Variants in SLC4A1AP observed in about 807,000 individuals in gnomAD.
SLC4A1AP encodes kanadaptin.
In SLC4A1AP, 64 loss-of-function variants were observed where a neutral mutation model predicts 89.7. The ratio of observed to expected loss-of-function variants is 0.71; its 90% CI spans 0.58 to 0.88. The LOEUF (loss-of-function observed/expected upper bound fraction) is 0.88. Among genes scored for constraint, SLC4A1AP ranks in the 40% least tolerant of loss-of-function variants. The probability of loss-of-function intolerance (pLI) is 0.00; values close to 1 mark genes in which losing one functional copy is unlikely to be tolerated. For synonymous variants in SLC4A1AP, 366 were observed against 353.3 expected (o/e 1.04, Z -0.40); for missense variants, 931 against 965.0 (o/e 0.96, Z 0.47).
chr2:27,674,759 T>C, intron 5 of SLC4A1AP, among the ~76,000 whole-genome samples: 1 of 151,106 alleles, frequency 6.6e-6, no homozygotes, highest in East Asian at 1.9e-4. Flanking sequence ...TCACCCAGGC[T>C]GGAGTGCAGT....
exon 13 of SLC4A1AP, chr2:27,693,696 A>C: frequency 6.2e-7 from 1 of 1,607,380 alleles, no homozygotes; most frequent in South Asian, 1.1e-5. Flanking sequence ...TTCCACCAAC[A>C]CTTTCTTCCA....
At chr2:27,672,371 C>T (rs1268748440) in intron 5 of SLC4A1AP, among the ~76,000 whole-genome samples, 1 of 151,692 alleles carries the variant, frequency 6.6e-6, no homozygotes, top group Non-Finnish European at 1.5e-5. Flanking sequence ...TCTGTCTTCT[C>T]TATTTTGCCA....
exon 1 of SLC4A1AP, chr2:27,664,381 A>T: frequency 6.2e-7 from 1 of 1,614,138 alleles, no homozygotes; most frequent in South Asian, 1.1e-5. Flanking sequence ...TCTCGGTACC[A>T]CGCAGTGCTG....
At chr2:27,688,088 G>T (rs1490736456) in intron 11 of SLC4A1AP, 68 bp downstream of exon 11, 1 of 1,308,340 alleles carries the variant, frequency 7.6e-7, no homozygotes, top group Non-Finnish European at 1.1e-6. Context: ...TAAGGGAGGG[G>T]CTGGCAGCTG....
In SLC4A1AP at chr2:27,675,712, G is replaced by A; in HGVS notation, c.1506+20G>A. The A allele has an allele frequency of 6.6e-7, 1 of 1,524,712 alleles. No homozygotes were observed. Among genetic ancestry groups the A allele is most frequent in the Non-Finnish European group, 8.9e-7 (1 of 1,129,028 alleles). The allele number at this position is 1,524,712 out of a possible 1,614,324, so 94.4% of individuals were successfully genotyped here. On this transcript the variant is annotated intron_variant, in intron 6 of 13. Transcript: ENST00000613058. ...TCATTGGCAAGTTTTATTTATGGAA[G>A]TAGCTGTGGTATTTAATAGTTTAAT...
At chr2:27,694,321 TCATA>T (rs1675838150) in intron 13 of SLC4A1AP, among the ~76,000 whole-genome samples, 1 of 152,192 alleles carries the variant, frequency 6.6e-6, no homozygotes, top group African/African-American at 2.4e-5. Flanking sequence ...AGTTTTATGC[TCATA>T]CACACACCCT....
chr2:27,669,353 T>C, exon 5 of SLC4A1AP: 1 of 1,612,856 alleles, frequency 6.2e-7, no homozygotes. Context: ...CTTGTCGGAT[T>C]CTTGACACTT....
exon 1 of SLC4A1AP, chr2:27,664,125 T>C (rs915479458): frequency 1.6e-5 from 26 of 1,614,058 alleles, no homozygotes; most frequent in Non-Finnish European, 2.2e-5. Flanking sequence ...TCAGCCGGAC[T>C]GCGGTGATTT....
intron 5 of SLC4A1AP, 132 bp from the exon 6 acceptor site, chr2:27,675,400 G>T: frequency 1.9e-6 from 1 of 530,452 alleles, no homozygotes; most frequent in East Asian, 3.1e-5. Flanking sequence ...GTTTTTATAC[G>T]TAGTTTGGCA....
chr2:27,685,630 G>T (rs553863175), intron 10 of SLC4A1AP, among the ~76,000 whole-genome samples: 1 of 152,184 alleles, frequency 6.6e-6, no homozygotes, highest in East Asian at 1.9e-4. Context: ...GGTGGTCTCC[G>T]GATAAGTCAA....
chr2:27,664,095 G>C, exon 1 of SLC4A1AP: 1 of 1,614,162 alleles, frequency 6.2e-7, no homozygotes, highest in East Asian at 2.2e-5. Context: ...CAATTCTGGG[G>C]AGCCCGACAT....
At chr2:27,664,533 C>G (rs1190742818) in exon 1 of SLC4A1AP, 1 of 1,613,892 alleles carries the variant, frequency 6.2e-7, no homozygotes, top group East Asian at 2.2e-5. Context: ...CCACGTTGGG[C>G]ATGTTGTTCG....
At chr2:27,678,155 T>C (rs1392323819) in intron 8 of SLC4A1AP, among the ~76,000 whole-genome samples, 1 of 152,228 alleles carries the variant, frequency 6.6e-6, no homozygotes, top group Non-Finnish European at 1.5e-5. Flanking sequence ...TTCTGATTCA[T>C]TGGAAGGTTC....
At chr2:27,693,727 G>C in exon 13 of SLC4A1AP, 5 of 1,612,506 alleles carry the variant, frequency 3.1e-6, no homozygotes, top group Middle Eastern at 1.7e-4. Context: ...AGATGACCCA[G>C]ACTACTGTGT....
chr2:27,680,943 T>C (rs1558508528), intron 8 of SLC4A1AP, among the ~76,000 whole-genome samples: 1 of 152,090 alleles, frequency 6.6e-6, no homozygotes, highest in Non-Finnish European at 1.5e-5. Flanking sequence ...CTTTCCTATT[T>C]TGGATACTGG....
chr2:27,671,676 C>T (rs1675429005), intron 5 of SLC4A1AP, among the ~76,000 whole-genome samples: 1 of 152,142 alleles, frequency 6.6e-6, no homozygotes, highest in Admixed American at 6.6e-5. Flanking sequence ...TCTTGATTCT[C>T]ATATTCTCAT....
rs1675371418 is a variant in SLC4A1AP at position 27,668,574 on chromosome 2, G to A, written c.1145-269G>A. The A allele has an allele frequency of 5.7e-5, 35 of 610,844 alleles. 1 individual carries two copies. Among genetic ancestry groups the A allele is most frequent in the South Asian group, 5.0e-4 (33 of 65,710 alleles). The allele number at this position is 610,844 out of a possible 1,614,324, so 37.8% of individuals were successfully genotyped here. On this transcript the variant is annotated intron_variant, in intron 3 of 13. Transcript: ENST00000613058. ...AAGCTATGCTCCGGCCTTAGCCCCC[G>A]TAGTAGCTGGGACAAAAGTCACGTA...
chr2:27,666,493 A>C (rs1675325949), intron 2 of SLC4A1AP, among the ~76,000 whole-genome samples: 1 of 151,876 alleles, frequency 6.6e-6, no homozygotes, highest in African/African-American at 2.4e-5. Flanking sequence ...AAGCCTTATG[A>C]AGCTGAGTAT....
chr2:27,679,499 G>A (rs574987771), intron 8 of SLC4A1AP, among the ~76,000 whole-genome samples: 1 of 152,282 alleles, frequency 6.6e-6, no homozygotes, highest in African/African-American at 2.4e-5. Flanking sequence ...CTACTTGGGA[G>A]CCTGAGGCAG....
Sources: allele counts gnomAD v4.1 joint callset (sites outside exome capture counted in the v4.1 genomes callset), GRCh38; gene constraint gnomAD v4.1.1; transcripts MANE v1.5; gene names NCBI Gene and HGNC (gene_info 2026-07-23, HGNC 2026-07-21).